CADPS: variants seen among roughly 807,000 people sequenced by gnomAD.
CADPS encodes calcium-dependent secretion activator 1.
Under a neutral mutation model 167.3 loss-of-function variants are expected in CADPS, and 57 were observed. That is an observed-to-expected ratio of 0.34 (90% CI 0.28 to 0.42). CADPS has a LOEUF of 0.42. Among genes scored for constraint, CADPS ranks in the 20% least tolerant of loss-of-function variants. The probability of loss-of-function intolerance (pLI) is 1.00; values close to 1 mark genes in which losing one functional copy is unlikely to be tolerated. For missense variants in CADPS, 1,414 were observed against 1,738.1 expected (o/e 0.81, Z 3.32); for synonymous variants, 676 against 635.3 (o/e 1.06, Z -0.96).
intron 18 of CADPS, among the ~76,000 whole-genome samples, chr3:62,495,070 A>G (rs771135116): frequency 1.3e-5 from 2 of 152,186 alleles, no homozygotes; most frequent in Non-Finnish European, 2.9e-5. Context: ...TATATTATTG[A>G]GCAAATATTT....
At chr3:62,864,044 G>T (rs1201253355) in intron 1 of CADPS, among the ~76,000 whole-genome samples, 4 of 152,156 alleles carry the variant, frequency 2.6e-5, no homozygotes, top group Non-Finnish European at 4.4e-5. Context: ...GAGATAAAGT[G>T]CTTATACCAG....
chr3:62,507,755 T>C (rs2066955629), intron 17 of CADPS, among the ~76,000 whole-genome samples: 1 of 152,216 alleles, frequency 6.6e-6, no homozygotes, highest in Admixed American at 6.5e-5. Context: ...GAAGAAGCAC[T>C]GTTTTATGAT....
chr3:62,763,661 T>C (rs2086121217), intron 2 of CADPS, among the ~76,000 whole-genome samples: 1 of 152,120 alleles, frequency 6.6e-6, no homozygotes, highest in Non-Finnish European at 1.5e-5. Context: ...GAAAGGAAGG[T>C]GTAATCAACT....
In CADPS at chr3:62,491,137, C is replaced by T. The variant is rs190866234; in HGVS notation, c.3026+202G>A. Among the ~76,000 whole-genome samples the T allele has an allele frequency of 5.6e-3, 848 of 152,230 alleles. 7 individuals are homozygous for T. Among genetic ancestry groups the T allele is most frequent in the African/African-American group, 0.019 (802 of 41,514 alleles). On this transcript the variant is annotated intron_variant, in intron 21 of 29. Coordinates refer to ENST00000383710, the MANE Select transcript of CADPS (RefSeq NM_003716.4). Reference sequence around the variant, plus strand: ...CATGAAACGTTTTTTCAGCCTCTTCCCCTACCCTACCCACCTCCTCCATCC... The same window carrying T: ...CATGAAACGTTTTTTCAGCCTCTTCTCCTACCCTACCCACCTCCTCCATCC...
At chr3:62,599,718 A>T (rs558168425) in intron 6 of CADPS, among the ~76,000 whole-genome samples, 273 of 12,184 alleles carry the variant, frequency 0.022, 14 homozygotes, top group African/African-American at 0.05. Flanking sequence ...TATAATATAT[A>T]ATATATATAG....
chr3:62,588,932 C>T (rs2085291491), intron 7 of CADPS, among the ~76,000 whole-genome samples: 1 of 152,078 alleles, frequency 6.6e-6, no homozygotes, highest in Non-Finnish European at 1.5e-5. Context: ...TATGTTGGTA[C>T]ATGCAGAGAC....
chr3:62,596,667 T>C (rs545995694), intron 6 of CADPS, among the ~76,000 whole-genome samples: 2 of 152,366 alleles, frequency 1.3e-5, no homozygotes, highest in Middle Eastern at 3.4e-3. Context: ...ATTCACCCTG[T>C]AGTACTAGAG....
In CADPS at chr3:62,515,023, G is replaced by A. The variant is rs76626182; in HGVS notation, c.2581+1036C>T. ...CATTGTCAGACAGACAAAATTGAGA[G>A]AGGGAGGACACGTAATGTACAGAAC... On this transcript the variant is annotated intron_variant, in intron 16 of 29. Transcript: ENST00000383710. Among the ~76,000 whole-genome samples, 1,086 of 152,252 alleles carry A rather than the reference G, an allele frequency of 7.1e-3. 18 individuals are homozygous for A. Among genetic ancestry groups the A allele is most frequent in the African/African-American group, 0.025 (1,022 of 41,558 alleles).
chr3:62,803,601 C>A (rs2093913108), intron 1 of CADPS, among the ~76,000 whole-genome samples: 1 of 152,032 alleles, frequency 6.6e-6, no homozygotes, highest in Non-Finnish European at 1.5e-5. Flanking sequence ...GGGTTCCTTA[C>A]CCTCCTTGTG....
At chr3:62,413,858 A>G (rs1237905568) in intron 28 of CADPS, among the ~76,000 whole-genome samples, 1 of 151,366 alleles carries the variant, frequency 6.6e-6, no homozygotes, top group Non-Finnish European at 1.5e-5. Context: ...AGCAATGTAC[A>G]TATTCTAATC....
chr3:62,589,382 C>G (rs1287893238), intron 7 of CADPS, among the ~76,000 whole-genome samples: 1 of 152,204 alleles, frequency 6.6e-6, no homozygotes, highest in African/African-American at 2.4e-5. Flanking sequence ...AAACTAGCAT[C>G]TGGGGGAATG....
intron 11 of CADPS, among the ~76,000 whole-genome samples, chr3:62,542,460 G>C (rs2075839100): frequency 6.6e-6 from 1 of 152,072 alleles, no homozygotes; most frequent in South Asian, 2.1e-4. Flanking sequence ...GATGGCAGCT[G>C]GTTGTTTATG....
intron 24 of CADPS, chr3:62,466,685 C>T: frequency 2.2e-6 from 1 of 447,348 alleles, no homozygotes; most frequent in Admixed American, 3.5e-5. Context: ...TTACAAATAG[C>T]ACACATGAAT....
chr3:62,696,439 G>T (rs184513935), intron 3 of CADPS, among the ~76,000 whole-genome samples: 44 of 152,152 alleles, frequency 2.9e-4, no homozygotes, highest in African/African-American at 1.0e-3. Flanking sequence ...TGCCTCAGAA[G>T]TCTGCATATT....
intron 3 of CADPS, among the ~76,000 whole-genome samples, chr3:62,689,153 T>G (rs901574988): frequency 2.6e-5 from 4 of 152,086 alleles, no homozygotes; most frequent in African/African-American, 9.7e-5. Flanking sequence ...TGGCTGACAT[T>G]TGATTTCCTT....
chr3:62,807,453 G>A (rs931209204), intron 1 of CADPS, among the ~76,000 whole-genome samples: 2 of 151,634 alleles, frequency 1.3e-5, no homozygotes, highest in African/African-American at 4.8e-5. Flanking sequence ...GTAGAGATGA[G>A]GTTTCATCAT....
At chr3:62,422,297 G>A (rs1356938504) in intron 28 of CADPS, among the ~76,000 whole-genome samples, 1 of 152,138 alleles carries the variant, frequency 6.6e-6, no homozygotes, top group East Asian at 1.9e-4. Context: ...CCCCCAACCT[G>A]AATGCCAAAA....
intron 10 of CADPS, among the ~76,000 whole-genome samples, chr3:62,556,994 A>AACACACACACACAC (rs56228621): frequency 7.0e-6 from 1 of 143,558 alleles, no homozygotes; most frequent in African/African-American, 2.7e-5. Context: ...GGTGAAAAAC[A>AACACACACACACAC]ACACACACAC....
At chr3:62,652,254 G>A (rs1305373114) in intron 4 of CADPS, among the ~76,000 whole-genome samples, 2 of 151,614 alleles carry the variant, frequency 1.3e-5, no homozygotes, top group Non-Finnish European at 2.9e-5. Context: ...TGTCCAATTG[G>A]CCATATTACT....
Sources: allele counts gnomAD v4.1 joint callset (sites outside exome capture counted in the v4.1 genomes callset), GRCh38; gene constraint gnomAD v4.1.1; transcripts MANE v1.5; gene names NCBI Gene and HGNC (gene_info 2026-07-23, HGNC 2026-07-21).